NDST3: variants seen among roughly 807,000 people sequenced by gnomAD.
The protein encoded by NDST3 is N-deacetylase and N-sulfotransferase 3.
Under a neutral mutation model 96.1 loss-of-function variants are expected in NDST3, and 58 were observed. The ratio of observed to expected loss-of-function variants is 0.60; its 90% CI spans 0.49 to 0.75. NDST3 has a LOEUF of 0.75. Among genes scored for constraint, NDST3 ranks in the 30% least tolerant of loss-of-function variants. The pLI is 0.00. For missense variants in NDST3, 788 were observed against 1,034.2 expected (o/e 0.76, Z 3.27); for synonymous variants, 333 against 359.7 (o/e 0.93, Z 0.84).
At chr4:118,228,938 TTAAAG>T (rs1374335074) in intron 8 of NDST3, among the ~76,000 whole-genome samples, 2 of 152,048 alleles carry the variant, frequency 1.3e-5, no homozygotes, top group South Asian at 2.1e-4. Context: ...GATTTTTTAA[TTAAAG>T]TAGTTTCTCA....
At chr4:118,252,878 C>T (rs374318411) in intron 12 of NDST3, among the ~76,000 whole-genome samples, 1 of 151,628 alleles carries the variant, frequency 6.6e-6, no homozygotes, top group East Asian at 1.9e-4. Flanking sequence ...GCAACAAGAC[C>T]AAGACTCCTT....
chr4:118,058,634 TGCGC>T (rs72236505), intron 2 of NDST3, among the ~76,000 whole-genome samples: 648 of 11,534 alleles, frequency 0.056, 4 homozygotes, highest in African/African-American at 0.076. Flanking sequence ...TGTGTGTGTG[TGCGC>T]GCGCGCGCAC....
chr4:118,204,294 A>ATT (rs1560716160), intron 6 of NDST3, among the ~76,000 whole-genome samples: 2 of 145,744 alleles, frequency 1.4e-5, no homozygotes, highest in African/African-American at 5.1e-5. Flanking sequence ...TGTTTAAAAA[A>ATT]AAAAAAAAGC....
intron 12 of NDST3, among the ~76,000 whole-genome samples, chr4:118,243,977 T>G (rs147991166): frequency 0.01 from 1,569 of 152,276 alleles, 28 homozygotes; most frequent in African/African-American, 0.034. Context: ...ATTATATGAT[T>G]CTCTAACCTG....
At chr4:118,199,238 G>A (rs1578803206) in intron 6 of NDST3, among the ~76,000 whole-genome samples, 1 of 152,146 alleles carries the variant, frequency 6.6e-6, no homozygotes, top group East Asian at 1.9e-4. Context: ...ATGCTTCATG[G>A]TTTTTTATTC....
Position 118,227,061 on chromosome 4 carries a change from G to A in NDST3, c.1819+79G>A, listed in dbSNP as rs574590217. The stretch of plus-strand genomic sequence containing the variant: ...AATGAGATCTTGTCACAATAAGTTC[G>A]TAAACTTCCCATAACTGCTAATGAA... On this transcript the variant is annotated intron_variant, in intron 8 of 13. Coordinates refer to ENST00000296499, the MANE Select transcript of NDST3 (RefSeq NM_004784.3). 6.2e-5 allele frequency: 60 copies of A among 960,506 alleles called. 1 individual carries two copies. In the South Asian group the frequency reaches 7.5e-4, roughly 12 times the overall value. 59.5% of individuals were successfully genotyped at this position (960,506 alleles called of 1,614,324 possible).
chr4:118,255,777 G>A lies in NDST3; in HGVS notation c.*65G>A. On this transcript the variant is annotated 3_prime_UTR_variant, in exon 14 of 14. Coordinates refer to ENST00000296499, the MANE Select transcript of NDST3 (RefSeq NM_004784.3). ...CACACCTTTTCCAAAGCTTCCAGAA[G>A]CTACCAAAAGGCAGTTGAAAAATAT... is the stretch of plus-strand genomic sequence containing the variant. 1 of 1,463,034 alleles carries A rather than the reference G, an allele frequency of 6.8e-7. No individual in the cohort carries two copies. Among genetic ancestry groups the A allele is most frequent in the South Asian group, 1.4e-5 (1 of 69,056 alleles). The allele number at this position is 1,463,034 out of a possible 1,614,324, so 90.6% of individuals were successfully genotyped here.
At chr4:118,245,450 T>C (rs1741248866) in intron 12 of NDST3, among the ~76,000 whole-genome samples, 1 of 152,212 alleles carries the variant, frequency 6.6e-6, no homozygotes, top group Non-Finnish European at 1.5e-5. Context: ...GGACAGAGGT[T>C]AGCTAAGTCA....
chr4:118,201,134 T>C (rs542705535), intron 6 of NDST3, among the ~76,000 whole-genome samples: 1 of 152,232 alleles, frequency 6.6e-6, no homozygotes, highest in South Asian at 2.1e-4. Flanking sequence ...TTTATAACTG[T>C]GTACTATTCC....
At chr4:118,227,367 C>A (rs945240996) in intron 8 of NDST3, among the ~76,000 whole-genome samples, 4 of 151,766 alleles carry the variant, frequency 2.6e-5, no homozygotes, top group Non-Finnish European at 5.9e-5. Context: ...ATAATAAATC[C>A]CTTCTAGAAA....
intron 2 of NDST3, among the ~76,000 whole-genome samples, chr4:118,072,041 G>A (rs570054322): frequency 6.6e-6 from 1 of 152,036 alleles, no homozygotes; most frequent in African/African-American, 2.4e-5. Flanking sequence ...ATGGTTGTAA[G>A]TGTGAGGCTT....
chr4:118,224,560 C>G lies in NDST3; in HGVS notation c.1609C>G (p.Leu537Val). The part of the protein sequence containing the change: ...DRLGLYTFVN[L>V]ANFVKSWTNL... ...ACTGGGATTATATACATTTGTTAAT[C>G]TGGCCAACTTTGTGAAGAGCTGGAC... Residue 537 changes from leucine (L) to valine (V), a missense_variant, in exon 7 of 14, where the codon CTG becomes GTG. Physicochemically the swap from Leu to Val is conservative, Grantham distance 32 (BLOSUM62 1). This residue lies in a region of NDST3 where 490 missense variants were observed against 708.8 expected (regional missense o/e 0.69). Coordinates refer to ENST00000296499, the MANE Select transcript of NDST3 (RefSeq NM_004784.3). 1 of 1,613,180 alleles carries G rather than the reference C, an allele frequency of 6.2e-7. No individual in the cohort carries two copies.
At chr4:118,096,538 A>G (rs1013375489) in intron 2 of NDST3, among the ~76,000 whole-genome samples, 2 of 151,938 alleles carry the variant, frequency 1.3e-5, no homozygotes, top group African/African-American at 4.8e-5. Context: ...ATTCTGTTGC[A>G]TAATTTCTAA....
At chr4:118,120,238 A>G (rs11940107) in intron 4 of NDST3, among the ~76,000 whole-genome samples, 5,214 of 152,170 alleles carry the variant, frequency 0.034, 313 homozygotes, top group African/African-American at 0.12. Flanking sequence ...GCCATTGAAA[A>G]GATCAGTTTG....
At chr4:118,149,702 C>A (rs1215214591) in intron 6 of NDST3, among the ~76,000 whole-genome samples, 2 of 149,948 alleles carry the variant, frequency 1.3e-5, no homozygotes, top group Non-Finnish European at 3.0e-5. Flanking sequence ...CGTCTGCAAA[C>A]AGGGACAATT....
At chr4:118,058,348 G>A (rs1354763808) in intron 2 of NDST3, among the ~76,000 whole-genome samples, 1 of 149,594 alleles carries the variant, frequency 6.7e-6, no homozygotes, top group East Asian at 2.0e-4. Flanking sequence ...TGAATAATAT[G>A]AGTATATTTT....
chr4:118,119,360 T>C (rs1443731310), intron 4 of NDST3, among the ~76,000 whole-genome samples: 1 of 152,230 alleles, frequency 6.6e-6, no homozygotes, highest in Non-Finnish European at 1.5e-5. Flanking sequence ...TTAGTTTGCT[T>C]GCCAGCTAGA....
intron 10 of NDST3, among the ~76,000 whole-genome samples, chr4:118,239,602 C>CA (rs1483013756): frequency 6.6e-6 from 1 of 152,134 alleles, no homozygotes; most frequent in Non-Finnish European, 1.5e-5. Flanking sequence ...TGGAGCTTGG[C>CA]AACCACTTAG....
chr4:118,057,454 A>C (rs1273075816), intron 2 of NDST3, among the ~76,000 whole-genome samples: 2 of 152,062 alleles, frequency 1.3e-5, no homozygotes, highest in African/African-American at 4.8e-5. Context: ...GAGCTCAGCC[A>C]GGGAAAAAAT....
Sources: gnomAD v4.1 joint callset for allele counts (sites outside exome capture counted in the v4.1 genomes callset) on GRCh38, gnomAD v4.1.1 for gene constraint, gnomAD v4.1.1 regional missense constraint, MANE v1.5 for transcripts, NCBI Gene and HGNC (gene_info 2026-07-23, HGNC 2026-07-21) for gene names.